The following DNAH11 variants were observed in gnomAD, a reference collection of about 807,000 sequenced individuals.
The protein encoded by DNAH11 is dynein axonemal heavy chain 11.
A neutral mutation model predicts 526.0 loss-of-function variants in DNAH11; 442 were observed. The ratio of observed to expected loss-of-function variants is 0.84; its 90% CI spans 0.78 to 0.91. DNAH11 has a LOEUF of 0.91. DNAH11 is among the 40% of genes least tolerant of loss of function. The pLI, the probability that DNAH11 is intolerant of heterozygous loss-of-function variation, is 0.00. For missense variants in DNAH11, 6,989 were observed against 5,448.7 expected, an observed-to-expected ratio of 1.28 and a Z score of -8.90; for synonymous variants, 2,461 against 1,935.9, an observed-to-expected ratio of 1.27 and a Z score of -7.12.
chr7:21,700,678 T>A (rs1784016820), intron 36 of DNAH11, among the ~76,000 whole-genome samples: 1 of 152,190 alleles, frequency 6.6e-6, no homozygotes, highest in South Asian at 2.1e-4. Flanking sequence ...ACTGCAGCAC[T>A]ATTTACAGTA....
At position 21,818,226 on chromosome 7, in the gene DNAH11, T is replaced by A; in HGVS notation, c.10578T>A (p.Asn3526Lys). 1 of 1,611,020 alleles carries A rather than the reference T, an allele frequency of 6.2e-7. No individual in the cohort carries two copies. The highest frequency in any genetic ancestry group is 8.5e-7 in the Non-Finnish European group (1 of 1,178,746). The change falls in exon 65 of 82, where the codon AAT becomes AAA. Residue 3526 changes from asparagine (N) to lysine (K), a missense_variant. Coordinates refer to ENST00000409508, the MANE Select transcript of DNAH11 (RefSeq NM_001277115.2). ...CCCACTGAATTTTAAGGTTTTTGAA[T>A]GCCATTGAAACTGCTTTGGCCTTTG... Reference protein sequence around the residue: ...VTHLGQKGFLNAIETALAFGD... With the variant: ...VTHLGQKGFLKAIETALAFGD...
intron 30 of DNAH11, among the ~76,000 whole-genome samples, chr7:21,676,926 T>A (rs2128470995): frequency 6.6e-6 from 1 of 152,312 alleles, no homozygotes; most frequent in African/African-American, 2.4e-5. Context: ...GTTGTTATTG[T>A]ACATTAATTC....
At chr7:21,633,436 GTCTA>G (rs1410360806) in intron 25 of DNAH11, among the ~76,000 whole-genome samples, 2 of 152,244 alleles carry the variant, frequency 1.3e-5, no homozygotes, top group Admixed American at 1.3e-4. Flanking sequence ...CTGTATTGCA[GTCTA>G]TCTCATACTT....
intron 28 of DNAH11, among the ~76,000 whole-genome samples, chr7:21,646,178 C>T (rs947292642): frequency 2.0e-5 from 3 of 152,074 alleles, no homozygotes; most frequent in African/African-American, 7.2e-5. Context: ...AGAAAGGTTG[C>T]TCAATTTCAG....
chr7:21,859,450 C>G (rs1369492408), intron 68 of DNAH11, among the ~76,000 whole-genome samples: 4 of 152,158 alleles, frequency 2.6e-5, no homozygotes, highest in Non-Finnish European at 5.9e-5. Context: ...GTTCCATCCC[C>G]AAGACATCTC....
At position 21,899,451 on chromosome 7, in the gene DNAH11, A is replaced by G; in HGVS notation, c.13162+3A>G. The G allele has an allele frequency of 6.2e-7, 1 of 1,610,936 alleles. No homozygotes were observed. The highest frequency in any genetic ancestry group is 8.5e-7 in the Non-Finnish European group (1 of 1,177,380). ...CAACCCTCAGTCCTTCTTAACTGGTAAGGGCTGACGCAGTGCAGCCCCTGA... is the reference window on the plus strand; with the variant it reads ...CAACCCTCAGTCCTTCTTAACTGGTGAGGGCTGACGCAGTGCAGCCCCTGA... On this transcript the variant is annotated splice_donor_region_variant and intron_variant, in intron 80 of 81. Coordinates refer to ENST00000409508, the MANE Select transcript of DNAH11 (RefSeq NM_001277115.2).
chr7:21,804,749 G>T (rs943951986), intron 62 of DNAH11, among the ~76,000 whole-genome samples: 2 of 152,112 alleles, frequency 1.3e-5, no homozygotes, highest in African/African-American at 4.8e-5. Flanking sequence ...GGGTACCTCT[G>T]CAGGCCCCAC....
Position 21,842,680 on chromosome 7 carries a change from G to T in DNAH11, c.10828G>T (p.Asp3610Tyr), listed in dbSNP as rs756033417. ...TTLLNFTVTE[D>Y]GLEAQLLAEV... ...TCTCCTCAATTTCACAGTCACAGAA[G>T]ATGGTCTAGAAGCCCAGCTGCTGGC... The change falls in exon 66 of 82, where the codon GAT becomes TAT. Residue 3610 changes from aspartate (D) to tyrosine (Y), a missense_variant. Coordinates refer to ENST00000409508, the MANE Select transcript of DNAH11 (RefSeq NM_001277115.2). 3 of 1,613,724 alleles carry T rather than the reference G, an allele frequency of 1.9e-6. No individual in the cohort carries two copies. Among genetic ancestry groups the T allele is most frequent in the African/African-American group, 1.3e-5 (1 of 74,918 alleles).
At chr7:21,697,990 T>G (rs1323969301) in intron 35 of DNAH11, 85 bp from the exon 36 acceptor site, 30 of 1,357,382 alleles carry the variant, frequency 2.2e-5, no homozygotes, top group Non-Finnish European at 2.9e-5. Flanking sequence ...GTTAAAATGT[T>G]GGTACGAAAT....
chr7:21,899,849 G>A (rs1439284320), intron 80 of DNAH11, 131 bp from the exon 81 acceptor site: 22 of 1,110,604 alleles, frequency 2.0e-5, no homozygotes, highest in African/African-American at 4.8e-5. Context: ...CTGCTCCAGC[G>A]CAGCCATGTG....
At chr7:21,603,646 G>A (rs189141537) in intron 18 of DNAH11, among the ~76,000 whole-genome samples, 1 of 152,298 alleles carries the variant, frequency 6.6e-6, no homozygotes, top group Non-Finnish European at 1.5e-5. Context: ...CTTAGAGCTT[G>A]CAAGCCAGTT....
chr7:21,587,833 G>A (rs1018595690), intron 9 of DNAH11, among the ~76,000 whole-genome samples: 2 of 152,172 alleles, frequency 1.3e-5, no homozygotes, highest in Non-Finnish European at 1.5e-5. Context: ...CAGACAGACA[G>A]TGGTTCCTTT....
chr7:21,838,398 A>G (rs1322694755), intron 65 of DNAH11, among the ~76,000 whole-genome samples: 2 of 152,306 alleles, frequency 1.3e-5, no homozygotes, highest in East Asian at 1.9e-4. Context: ...TAAGTCACAT[A>G]TTATATAATT....
At chr7:21,554,775 G>C (rs1443642216) in intron 2 of DNAH11, among the ~76,000 whole-genome samples, 1 of 152,200 alleles carries the variant, frequency 6.6e-6, no homozygotes, top group African/African-American at 2.4e-5. Flanking sequence ...CATTTACAAA[G>C]CCAGTCTCTC....
At chr7:21,545,234 A>G (rs1782761310) in intron 2 of DNAH11, 85 bp downstream of exon 2, 5 of 1,152,346 alleles carry the variant, frequency 4.3e-6, no homozygotes, top group Non-Finnish European at 5.8e-6. Flanking sequence ...TAATTAAAAA[A>G]AGAAGAGCTA....
At chr7:21,650,293 G>A (rs1787566789) in intron 28 of DNAH11, among the ~76,000 whole-genome samples, 1 of 152,036 alleles carries the variant, frequency 6.6e-6, no homozygotes, top group African/African-American at 2.4e-5. Flanking sequence ...AAGCAAATCT[G>A]GATTATGTAA....
At chr7:21,699,229 G>T (rs1349503866) in intron 36 of DNAH11, among the ~76,000 whole-genome samples, 1 of 152,026 alleles carries the variant, frequency 6.6e-6, no homozygotes, top group Non-Finnish European at 1.5e-5. Context: ...AGGGTTGACT[G>T]GTTTTTTGTT....
chr7:21,765,705 A>T, intron 55 of DNAH11, 116 bp downstream of exon 55: 1 of 1,282,600 alleles, frequency 7.8e-7, no homozygotes, highest in Non-Finnish European at 1.0e-6. Context: ...TACATCTCCT[A>T]TCAGAAAGCT....
Position 21,866,454 on chromosome 7 carries a change from C to T in DNAH11, c.11497-16C>T, listed in dbSNP as rs552675105. The stretch of plus-strand genomic sequence containing the variant: ...TCGTTCACACCATTCCTACTTGTTT[C>T]CCTATCATATTACAGGCAATTGCCG... On this transcript the variant is annotated splice_polypyrimidine_tract_variant and intron_variant, in intron 70 of 81. Coordinates refer to ENST00000409508, the MANE Select transcript of DNAH11 (RefSeq NM_001277115.2). 2.5e-6 allele frequency: 4 copies of T among 1,600,118 alleles called. No homozygotes were observed. The highest frequency in any genetic ancestry group is 4.5e-5 in the East Asian group (2 of 44,802).
Sources: gnomAD v4.1 joint callset for allele counts (sites outside exome capture counted in the v4.1 genomes callset) on GRCh38, gnomAD v4.1.1 for gene constraint, MANE v1.5 for transcripts, NCBI Gene and HGNC (gene_info 2026-07-23, HGNC 2026-07-21) for gene names.